TACR1: variants seen among roughly 807,000 people sequenced by gnomAD.
TACR1 encodes tachykinin receptor 1.
A neutral mutation model predicts 35.8 loss-of-function variants in TACR1; 25 were observed. That is an observed-to-expected ratio of 0.70 (90% CI 0.51 to 0.98). The LOEUF is 0.98. Among genes scored for constraint, TACR1 ranks in the 50% least tolerant of loss-of-function variants. TACR1 has a pLI of 0.00. For missense variants in TACR1, 478 were observed against 522.9 expected (o/e 0.91, Z 0.84); for synonymous variants, 195 against 206.7 (o/e 0.94, Z 0.48).
At chr2:75,064,367 T>TA (rs1672727572) in intron 2 of TACR1, among the ~76,000 whole-genome samples, 1 of 152,190 alleles carries the variant, frequency 6.6e-6, no homozygotes, top group African/African-American at 2.4e-5. Context: ...CTGCAGGCTT[T>TA]GAATTGCTGA....
chr2:75,085,090 C>G (rs2103840809), intron 2 of TACR1, among the ~76,000 whole-genome samples: 1 of 152,216 alleles, frequency 6.6e-6, no homozygotes, highest in South Asian at 2.1e-4. Flanking sequence ...CCTCTACACA[C>G]TGCTTTAAAT....
intron 2 of TACR1, among the ~76,000 whole-genome samples, chr2:75,088,188 C>T (rs1673226172): frequency 6.6e-6 from 1 of 152,206 alleles, no homozygotes; most frequent in Non-Finnish European, 1.5e-5. Flanking sequence ...TGGCCGCACT[C>T]AGCCCACTCT....
intron 1 of TACR1, among the ~76,000 whole-genome samples, chr2:75,147,240 A>C (rs1206800546): frequency 6.6e-6 from 1 of 152,212 alleles, no homozygotes; most frequent in Non-Finnish European, 1.5e-5. Context: ...GCACATGGCC[A>C]AAACCAGCTA....
At chr2:75,089,778 G>A (rs1254099583) in intron 2 of TACR1, among the ~76,000 whole-genome samples, 1 of 152,124 alleles carries the variant, frequency 6.6e-6, no homozygotes, top group Non-Finnish European at 1.5e-5. Context: ...GACACTGGGA[G>A]CAGTGAAGGG....
At chr2:75,113,080 G>A (rs1364938838) in intron 2 of TACR1, among the ~76,000 whole-genome samples, 1 of 152,154 alleles carries the variant, frequency 6.6e-6, no homozygotes, top group Non-Finnish European at 1.5e-5. Context: ...GTATTTGAAA[G>A]ATTTTTCCCT....
intron 2 of TACR1, among the ~76,000 whole-genome samples, chr2:75,088,175 C>T (rs924267073): frequency 2.0e-5 from 3 of 152,310 alleles, no homozygotes; most frequent in Middle Eastern, 3.4e-3. Context: ...CCTGCTCCTT[C>T]TGTGGCCGCA....
chr2:75,154,526 A>ACACACTCT (rs1379600710), intron 1 of TACR1: 8 of 117,210 alleles, frequency 6.8e-5, no homozygotes, highest in African/African-American at 1.3e-4. Flanking sequence ...ACACACACAC[A>ACACACTCT]CTCTCTGAAG....
At chr2:75,188,419 TAGAG>T (rs1395594665) in intron 1 of TACR1, 4 of 152,202 alleles carry the variant, frequency 2.6e-5, no homozygotes, top group Non-Finnish European at 4.4e-5. Context: ...TATTCTATGA[TAGAG>T]AGAACAGAGG....
intron 1 of TACR1, among the ~76,000 whole-genome samples, chr2:75,135,898 C>A (rs999297817): frequency 3.3e-5 from 5 of 152,188 alleles, no homozygotes; most frequent in Non-Finnish European, 7.3e-5. Flanking sequence ...CTCCCACCTC[C>A]CCTATATTCT....
intron 1 of TACR1, among the ~76,000 whole-genome samples, chr2:75,159,050 C>CT (rs61311422): frequency 0.01 from 1,523 of 150,280 alleles, 22 homozygotes; most frequent in African/African-American, 0.035. Context: ...TTATTGGTAC[C>CT]TTTTTTTTTT....
At chr2:75,165,866 G>A (rs145310291) in intron 1 of TACR1, among the ~76,000 whole-genome samples, 1 of 152,070 alleles carries the variant, frequency 6.6e-6, no homozygotes, top group Non-Finnish European at 1.5e-5. Context: ...ATGTTTCTCT[G>A]TCCCTCCGTT....
rs188851548 is a variant in TACR1, at chr2:75,162,091, A to G, written c.389+36455T>C. The stretch of plus-strand genomic sequence containing the variant: ...AGTGAGTCTGTGTTGGGGGGAGGGG[A>G]AATGTTGGAAACCTTCCAATTAATA... On this transcript the variant is annotated intron_variant, in intron 1 of 4. Coordinates refer to ENST00000305249, the MANE Select transcript of TACR1 (RefSeq NM_001058.4). Among the ~76,000 whole-genome samples the G allele has an allele frequency of 1.0e-3, 151 of 148,514 alleles. 1 individual carries two copies. The highest frequency in any genetic ancestry group is 3.7e-3 in the African/African-American group (150 of 40,220).
intron 1 of TACR1, among the ~76,000 whole-genome samples, chr2:75,182,383 A>G (rs573786990): frequency 2.0e-5 from 3 of 152,234 alleles, no homozygotes; most frequent in Admixed American, 6.5e-5. Context: ...TGGTCAATCT[A>G]TAGTATCTGC....
intron 2 of TACR1, among the ~76,000 whole-genome samples, chr2:75,069,200 T>C (rs1204478842): frequency 6.6e-6 from 1 of 152,180 alleles, no homozygotes; most frequent in Non-Finnish European, 1.5e-5. Context: ...TTCCCAGCCA[T>C]GTGGAACTGT....
chr2:75,168,433 A>G (rs1264568078), intron 1 of TACR1, among the ~76,000 whole-genome samples: 1 of 152,236 alleles, frequency 6.6e-6, no homozygotes, highest in Non-Finnish European at 1.5e-5. Context: ...CTGTGGTCCT[A>G]GAGAGGCATG....
intron 2 of TACR1, among the ~76,000 whole-genome samples, chr2:75,069,803 A>C (rs138730137): frequency 6.6e-6 from 1 of 152,338 alleles, no homozygotes; most frequent in East Asian, 1.9e-4. Context: ...CATTCTTATC[A>C]CATCATATCA....
chr2:75,096,098 G>A (rs1262802028), intron 2 of TACR1, among the ~76,000 whole-genome samples: 1 of 152,180 alleles, frequency 6.6e-6, no homozygotes, highest in Non-Finnish European at 1.5e-5. Context: ...ACAAAGTCAA[G>A]TCCTCTTCAT....
At chr2:75,062,104 C>T (rs1558539873) in intron 2 of TACR1, among the ~76,000 whole-genome samples, 1 of 152,128 alleles carries the variant, frequency 6.6e-6, no homozygotes, top group African/African-American at 2.4e-5. Context: ...TTGTCCCCCT[C>T]ATCCAGCAAG....
At chr2:75,137,710 C>CAG (rs954602323) in intron 1 of TACR1, among the ~76,000 whole-genome samples, 3 of 122,002 alleles carry the variant, frequency 2.5e-5, no homozygotes, top group Admixed American at 9.9e-5. Context: ...GCCTGGGCGA[C>CAG]AGAGAGAGTC....
Sources: allele counts gnomAD v4.1 joint callset (sites outside exome capture counted in the v4.1 genomes callset), GRCh38; gene constraint gnomAD v4.1.1; transcripts MANE v1.5; gene names NCBI Gene and HGNC (gene_info 2026-07-23, HGNC 2026-07-21).